The following ECD variants were observed in gnomAD, a reference collection of about 807,000 sequenced individuals.
The protein encoded by ECD is ecdysoneless cell cycle regulator.
A neutral mutation model predicts 77.2 loss-of-function variants in ECD; 59 were observed. The observed-to-expected ratio is 0.76, with a 90% CI of 0.62 to 0.95. The LOEUF is 0.95. Among genes scored for constraint, ECD ranks in the 40% least tolerant of loss-of-function variants. ECD has a pLI of 0.00. For synonymous variants in ECD, 233 were observed against 267.4 expected, an observed-to-expected ratio of 0.87 and a Z score of 1.26; for missense variants, 704 against 763.4, an observed-to-expected ratio of 0.92 and a Z score of 0.92.
chr10:73,139,388 A>G lies in ECD; in HGVS notation c.1342T>C (p.Tyr448His). The change falls in exon 11 of 14, where the codon TAT becomes CAT. Residue 448 changes from tyrosine (Y) to histidine (H), a missense_variant. By Grantham distance (83) the Tyr-to-His change is moderately conservative. Coordinates refer to ENST00000372979, the MANE Select transcript of ECD (RefSeq NM_007265.3). ...CTCTCTGAGACTTCAGTTAAGTCAT[A>G]GTTCTGCTCCTTCTCCTCCTTGGAA... is the stretch of plus-strand genomic sequence containing the variant. ...SVSKEEKEQN[Y>H]DLTEVSESMK... The G allele has an allele frequency of 6.2e-7, 1 of 1,614,186 alleles. No homozygotes were observed. The highest frequency in any genetic ancestry group is 1.3e-5 in the African/African-American group (1 of 75,054).
chr10:73,136,584 T>G, intron 13 of ECD, 120 bp downstream of exon 13: 1 of 917,076 alleles, frequency 1.1e-6, no homozygotes, highest in South Asian at 1.7e-5. Flanking sequence ...AGGAAAACAA[T>G]TAACATTCTT....
chr10:73,142,994 C>G (rs1255950723), intron 9 of ECD, among the ~76,000 whole-genome samples: 2 of 152,090 alleles, frequency 1.3e-5, no homozygotes, highest in Non-Finnish European at 2.9e-5. Flanking sequence ...CTTACCACCC[C>G]CTAATATTAC....
chr10:73,166,429 T>A (rs1199275915), intron 1 of ECD, among the ~76,000 whole-genome samples: 2 of 152,222 alleles, frequency 1.3e-5, no homozygotes, highest in African/African-American at 4.8e-5. Flanking sequence ...CTGCACTAAT[T>A]TACATTCTCA....
chr10:73,153,252 C>T (rs966958138), intron 6 of ECD, among the ~76,000 whole-genome samples: 1 of 151,996 alleles, frequency 6.6e-6, no homozygotes. Flanking sequence ...CACCACCACA[C>T]CTAGCTAATT....
chr10:73,148,270 TC>T lies in ECD; in HGVS notation c.1041+5del. ...TACTTAAAAGCAAATATATTGCAAG[TC>T]CTACCTTAAAGTAATCATTCTTTTT... is the stretch of plus-strand genomic sequence containing the variant. On this transcript the variant is annotated splice_donor_5th_base_variant and intron_variant, in intron 8 of 13. Transcript: ENST00000372979. 2 of 1,613,254 alleles carry T rather than the reference TC, an allele frequency of 1.2e-6. No individual in the cohort carries two copies. The highest frequency in any genetic ancestry group is 1.7e-6 in the Non-Finnish European group (2 of 1,179,584).
chr10:73,139,173 T>C (rs1046141042), intron 11 of ECD, 136 bp downstream of exon 11: 2 of 809,278 alleles, frequency 2.5e-6, no homozygotes, highest in African/African-American at 1.8e-5. Flanking sequence ...GTTATCACTA[T>C]ACTAGGCACA....
chr10:73,166,260 A>C (rs575526362), intron 1 of ECD, among the ~76,000 whole-genome samples: 1 of 152,084 alleles, frequency 6.6e-6, no homozygotes, highest in Admixed American at 6.6e-5. Flanking sequence ...AATCTTGGCT[A>C]CTGAGAATAG....
At chr10:73,157,222 G>C (rs1175998223) in intron 3 of ECD, among the ~76,000 whole-genome samples, 4 of 151,208 alleles carry the variant, frequency 2.6e-5, no homozygotes, top group African/African-American at 9.7e-5. Flanking sequence ...GCTAATTTTT[G>C]TATTTTTAGT....
chr10:73,166,016 A>G (rs1843453938), intron 1 of ECD, among the ~76,000 whole-genome samples: 1 of 152,028 alleles, frequency 6.6e-6, no homozygotes, highest in Non-Finnish European at 1.5e-5. Context: ...TGCTATCTCC[A>G]TGAGTTCAAC....
chr10:73,160,528 C>A lies in ECD; in HGVS notation c.229G>T (p.Gly77Cys), dbSNP rs1843362083. The A allele has an allele frequency of 2.5e-6, 4 of 1,610,576 alleles. No individual in the cohort carries two copies. The highest frequency in any genetic ancestry group is 3.4e-6 in the Non-Finnish European group (4 of 1,178,626). Residue 77 changes from glycine to cysteine, a missense_variant, in exon 3 of 14, where the codon GGC becomes TGC. This residue lies in a region of ECD where 559 missense variants were observed against 583.7 expected (regional missense o/e 0.96). Coordinates refer to ENST00000372979, the MANE Select transcript of ECD (RefSeq NM_007265.3). ...ATGTTATCCCCAAACTTTGTCACGCCAAACATATGAGCAGGAACACCTCCT... is the reference window on the plus strand; with the variant it reads ...ATGTTATCCCCAAACTTTGTCACGCAAAACATATGAGCAGGAACACCTCCT... ...GKGGVPAHMF[G>C]VTKFGDNIED...
At chr10:73,153,155 T>G (rs1843237630) in intron 6 of ECD, among the ~76,000 whole-genome samples, 1 of 151,828 alleles carries the variant, frequency 6.6e-6, no homozygotes, top group African/African-American at 2.4e-5. Context: ...TGACCTCAGG[T>G]GATCTGCCCA....
rs1337001067 is a variant in ECD, at chr10:73,136,736, T to C, written c.1672A>G (p.Ile558Val). ...TTCCTAGTGGTGAAACTTTTGCTGA[T>C]GCAGGTGTGTGCTAGTTCCTGGTCC... ...QMDQELAHTC[I>V]SKSFTTRNQV... Residue 558 changes from isoleucine to valine, a missense_variant, in exon 13 of 14, where the codon ATC (isoleucine) becomes GTC (valine). Transcript: ENST00000372979. The C allele has an allele frequency of 2.5e-6, 4 of 1,614,066 alleles. No homozygotes were observed. The Admixed American group carries it at 6.7e-5, about 27-fold the overall frequency.
intron 11 of ECD, 118 bp from the exon 12 acceptor site, chr10:73,138,188 G>T: frequency 1.4e-6 from 1 of 708,878 alleles, no homozygotes; most frequent in Non-Finnish European, 2.1e-6. Flanking sequence ...AGGAGGCACA[G>T]CAAGAAAAGT....
At chr10:73,165,069 T>A (rs1203150494) in intron 1 of ECD, among the ~76,000 whole-genome samples, 2 of 152,190 alleles carry the variant, frequency 1.3e-5, no homozygotes, top group Admixed American at 6.5e-5. Context: ...CTATGGACAT[T>A]TCACTTTCTC....
chr10:73,165,552 A>G (rs1438938577), intron 1 of ECD, among the ~76,000 whole-genome samples: 2 of 149,628 alleles, frequency 1.3e-5, no homozygotes, highest in East Asian at 3.9e-4. Context: ...GGGTTTTACC[A>G]TATTGGCCAG....
intron 8 of ECD, 58 bp from the exon 9 acceptor site, chr10:73,146,419 G>C: frequency 8.2e-7 from 1 of 1,220,044 alleles, no homozygotes; most frequent in Non-Finnish European, 1.1e-6. Context: ...TGAAAAAAAT[G>C]TGTTCACCAG....
intron 3 of ECD, among the ~76,000 whole-genome samples, chr10:73,158,096 G>A (rs1187973233): frequency 3.9e-5 from 6 of 152,114 alleles, no homozygotes; most frequent in Admixed American, 1.3e-4. Context: ...GAGTAGCTGG[G>A]ACCACAGGCA....
In ECD at chr10:73,148,342, G is replaced by A. The variant is rs747297138; in HGVS notation, c.975C>T (p.Ser325=). The change falls in exon 8 of 14, where the codon TCC becomes TCT. Residue 325 remains serine, a synonymous_variant. Coordinates refer to ENST00000372979, the MANE Select transcript of ECD (RefSeq NM_007265.3). ...CCCAGAGTGGTGAGGCAGTCACAAGGGATTTCTTGCAGTCAGAAAAATGTG... is the reference window on the plus strand; with the variant it reads ...CCCAGAGTGGTGAGGCAGTCACAAGAGATTTCTTGCAGTCAGAAAAATGTG... ...CSPHFSDCKK[S]LVTASPLWAS... 14 of 1,613,784 alleles carry A rather than the reference G, an allele frequency of 8.7e-6. No individual in the cohort carries two copies. Among genetic ancestry groups the A allele is most frequent in the Non-Finnish European group, 1.0e-5 (12 of 1,179,824 alleles).
chr10:73,146,340 G>A lies in ECD; in HGVS notation c.1063C>T (p.Gln355Ter). 3 of 1,607,254 alleles carry A rather than the reference G, an allele frequency of 1.9e-6. No homozygotes were observed. Among genetic ancestry groups the A allele is most frequent in the South Asian group, 1.1e-5 (1 of 90,414 alleles). ...YFKGLIEGSAQYRERLEMAEN... is the reference protein window; with the variant it reads ...YFKGLIEGSA ...GCCATTTCTAGCCTTTCCCGGTACT[G>A]AGCAGAACCTTCTATCAGTCCCTTA... The change falls in exon 9 of 14, where the codon CAG becomes TAG. Residue 355 changes from glutamine (Q) to a stop codon, truncating the protein, a stop_gained. Transcript: ENST00000372979. LOFTEE classifies it high-confidence loss of function.
Sources: gnomAD v4.1 joint callset for allele counts (sites outside exome capture counted in the v4.1 genomes callset) on GRCh38, gnomAD v4.1.1 for gene constraint, gnomAD v4.1.1 regional missense constraint, MANE v1.5 for transcripts, NCBI Gene and HGNC (gene_info 2026-07-23, HGNC 2026-07-21) for gene names.